RYR2: variants seen among roughly 807,000 people sequenced by gnomAD.
The protein encoded by RYR2 is cardiac muscle ryanodine receptor-calcium release channel.
In RYR2, 227 loss-of-function variants were observed where a neutral mutation model predicts 601.1. That is an observed-to-expected ratio of 0.38 (90% confidence interval 0.34 to 0.42). The LOEUF (loss-of-function observed/expected upper bound fraction) is 0.42, where lower values mean the gene tolerates loss of function less well. Among genes scored for constraint, RYR2 ranks in the 10% least tolerant of loss-of-function variants. RYR2 has a pLI of 1.00. For missense variants in RYR2, 4,646 were observed against 6,156.5 expected, an observed-to-expected ratio of 0.75 and a Z score of 8.21; for synonymous variants, 2,223 against 2,175.1, an observed-to-expected ratio of 1.02 and a Z score of -0.61.
chr1:237,460,070 C>T (rs897456961), intron 16 of RYR2, among the ~76,000 whole-genome samples: 17 of 152,252 alleles, frequency 1.1e-4, no homozygotes, highest in African/African-American at 4.1e-4. Flanking sequence ...ATCTCCAGAA[C>T]CAGCTGCTTT....
intron 1 of RYR2, among the ~76,000 whole-genome samples, chr1:237,213,049 G>A (rs1245415924): frequency 6.6e-6 from 1 of 152,168 alleles, no homozygotes; most frequent in Non-Finnish European, 1.5e-5. Flanking sequence ...TGGGATTACA[G>A]GCGTGAGCCA....
chr1:237,110,565 T>G (rs142582028), intron 1 of RYR2, among the ~76,000 whole-genome samples: 1 of 152,268 alleles, frequency 6.6e-6, no homozygotes, highest in African/African-American at 2.4e-5. Context: ...GGTTTCCAGT[T>G]TCATCCACGT....
chr1:237,531,586 T>C (rs1309702918), intron 25 of RYR2, among the ~76,000 whole-genome samples: 1 of 152,138 alleles, frequency 6.6e-6, no homozygotes, highest in Non-Finnish European at 1.5e-5. Flanking sequence ...CAGAAAAACA[T>C]AAAATCCAAG....
intron 19 of RYR2, among the ~76,000 whole-genome samples, chr1:237,494,865 A>G (rs1663866947): frequency 6.6e-6 from 1 of 152,120 alleles, no homozygotes; most frequent in African/African-American, 2.4e-5. Context: ...GTCTCAGCTC[A>G]CTGCAATCTC....
intron 1 of RYR2, among the ~76,000 whole-genome samples, chr1:237,186,410 C>G (rs1467085219): frequency 6.6e-6 from 1 of 152,210 alleles, no homozygotes; most frequent in Non-Finnish European, 1.5e-5. Context: ...CCGCATTCCA[C>G]TGTCAGTCTA....
At chr1:237,142,266 T>A (rs1478648430) in intron 1 of RYR2, among the ~76,000 whole-genome samples, 2 of 152,204 alleles carry the variant, frequency 1.3e-5, no homozygotes, top group Admixed American at 1.3e-4. Context: ...GCTGAAGAGT[T>A]TGCCAGGAGC....
intron 2 of RYR2, among the ~76,000 whole-genome samples, chr1:237,278,606 A>T (rs1262681303): frequency 2.0e-5 from 3 of 152,196 alleles, no homozygotes; most frequent in Admixed American, 2.0e-4. Context: ...TATAATTTGT[A>T]CTCCTGAGAG....
intron 1 of RYR2, among the ~76,000 whole-genome samples, chr1:237,243,473 G>A (rs1686438434): frequency 6.6e-6 from 1 of 152,158 alleles, no homozygotes; most frequent in Admixed American, 6.5e-5. Context: ...TGTAGGGTGA[G>A]GTATGTGGGA....
intron 54 of RYR2, 33 bp downstream of exon 54, chr1:237,658,055 C>G: frequency 1.6e-6 from 2 of 1,213,058 alleles, no homozygotes; most frequent in South Asian, 1.7e-5. Context: ...ATTCAGTAGT[C>G]ATTATTAATG....
chr1:237,115,734 G>T lies in RYR2; in HGVS notation c.48+73165G>T, dbSNP rs149462107. Among the ~76,000 whole-genome samples the T allele has an allele frequency of 1.6e-4, 24 of 152,264 alleles. No homozygotes were observed. In the East Asian group the frequency reaches 4.5e-3, roughly 28 times the overall value. ...GGTGAGAACAAACTTGTAGGCCTTA[G>T]TTCTTTTGTAGGTGTGAAATGTTCT... On this transcript the variant is annotated intron_variant, in intron 1 of 104. Transcript: ENST00000366574.
chr1:237,824,658 G>A (rs2493902), intron 101 of RYR2, among the ~76,000 whole-genome samples: 39,892 of 151,990 alleles, frequency 0.26, 5,693 homozygotes, highest in East Asian at 0.61. Flanking sequence ...TATTCAACAT[G>A]GTGTTGGAAG....
chr1:237,329,953 C>T (rs1212755509), intron 2 of RYR2, among the ~76,000 whole-genome samples: 1 of 152,098 alleles, frequency 6.6e-6, no homozygotes, highest in East Asian at 1.9e-4. Flanking sequence ...AATATAGCAT[C>T]CAACTTGAAT....
At chr1:237,535,498 C>T (rs188438623) in intron 25 of RYR2, among the ~76,000 whole-genome samples, 1 of 150,066 alleles carries the variant, frequency 6.7e-6, no homozygotes. Context: ...CACACACACA[C>T]ACACACACAC....
intron 58 of RYR2, among the ~76,000 whole-genome samples, chr1:237,671,382 A>T (rs1480498063): frequency 1.3e-5 from 2 of 152,052 alleles, no homozygotes; most frequent in Non-Finnish European, 2.9e-5. Context: ...AGAGACATTA[A>T]TAGTGGGGAG....
At chr1:237,822,458 C>T (rs1662617854) in intron 101 of RYR2, among the ~76,000 whole-genome samples, 1 of 152,002 alleles carries the variant, frequency 6.6e-6, no homozygotes, top group Non-Finnish European at 1.5e-5. Context: ...GTAATAAAAT[C>T]CTTTACAGAC....
At chr1:237,773,439 G>T in intron 86 of RYR2, 81 bp from the exon 87 acceptor site, 1 of 908,028 alleles carries the variant, frequency 1.1e-6, no homozygotes. Context: ...ATACTTCTCA[G>T]GCATAAAGTC....
intron 56 of RYR2, 146 bp downstream of exon 56, chr1:237,661,093 A>G (rs770496846): frequency 1.3e-6 from 1 of 796,720 alleles, no homozygotes; most frequent in Non-Finnish European, 1.7e-6. Context: ...AGCTATATAT[A>G]TATTTTTTTT....
At chr1:237,337,476 G>A (rs147777313) in intron 3 of RYR2, among the ~76,000 whole-genome samples, 2,013 of 152,226 alleles carry the variant, frequency 0.013, 40 homozygotes, top group African/African-American at 0.044. Flanking sequence ...TCTCATAGTG[G>A]TTAAAGCTCA....
intron 1 of RYR2, among the ~76,000 whole-genome samples, chr1:237,137,689 A>C (rs1258163787): frequency 6.6e-6 from 1 of 152,216 alleles, no homozygotes; most frequent in Non-Finnish European, 1.5e-5. Flanking sequence ...GATCAAAGGA[A>C]GATAATTCTA....
Sources: allele counts gnomAD v4.1 joint callset (sites outside exome capture counted in the v4.1 genomes callset), GRCh38; gene constraint gnomAD v4.1.1; transcripts MANE v1.5; gene names NCBI Gene and HGNC (gene_info 2026-07-23, HGNC 2026-07-21).